CHODL: variants seen among roughly 807,000 people sequenced by gnomAD.
The protein encoded by CHODL is transmembrane protein MT75.
CHODL carries 29 observed loss-of-function variants against 34.5 expected under a neutral mutation model. The ratio of observed to expected loss-of-function variants is 0.84; its 90% CI spans 0.63 to 1.15. The LOEUF (loss-of-function observed/expected upper bound fraction) is 1.15, where lower values mean the gene tolerates loss of function less well. Ranked by LOEUF, CHODL falls within the 50% of genes most tolerant of loss-of-function variation. The pLI is 0.00. For missense variants in CHODL, 332 were observed against 332.5 expected, an observed-to-expected ratio of 1.00 and a Z score of 0.01; for synonymous variants, 125 against 116.1, an observed-to-expected ratio of 1.08 and a Z score of -0.49.
chr21:17,921,190 A>G (rs1422505844), intron 1 of CHODL, among the ~76,000 whole-genome samples: 1 of 152,222 alleles, frequency 6.6e-6, no homozygotes, highest in African/African-American at 2.4e-5. Flanking sequence ...AGGAGAGTCT[A>G]TGATGCCAAT....
chr21:18,066,192 A>C (rs1056630575), intron 2 of CHODL, among the ~76,000 whole-genome samples: 18 of 152,132 alleles, frequency 1.2e-4, no homozygotes, highest in Admixed American at 5.2e-4. Flanking sequence ...ATGTTATTGA[A>C]AGCTAGGAAA....
chr21:17,974,243 C>G (rs1291424369), intron 1 of CHODL, among the ~76,000 whole-genome samples: 1 of 152,058 alleles, frequency 6.6e-6, no homozygotes, highest in Non-Finnish European at 1.5e-5. Flanking sequence ...TATTAAATGC[C>G]TCTCCAATTT....
intron 2 of CHODL, among the ~76,000 whole-genome samples, chr21:18,194,603 T>TAA (rs35092206): frequency 1.4e-4 from 21 of 145,226 alleles, no homozygotes; most frequent in South Asian, 4.4e-4. Context: ...GAGTTACTCT[T>TAA]AAAAAAAAAA....
intron 2 of CHODL, among the ~76,000 whole-genome samples, chr21:18,088,942 A>G (rs204007): frequency 1 from 152,309 of 152,310 alleles, 76,154 homozygotes; most frequent in Non-Finnish European, 1. Flanking sequence ...GTTCTCAGTA[A>G]AGTCTGCCAA....
intron 1 of CHODL, among the ~76,000 whole-genome samples, chr21:18,021,954 G>C (rs2064131768): frequency 6.6e-6 from 1 of 152,132 alleles, no homozygotes; most frequent in South Asian, 2.1e-4. Context: ...GTTACTTAGA[G>C]GTGAGGCCTT....
At chr21:17,921,229 T>C (rs907985010) in intron 1 of CHODL, among the ~76,000 whole-genome samples, 4 of 152,222 alleles carry the variant, frequency 2.6e-5, no homozygotes, top group Non-Finnish European at 5.9e-5. Context: ...GCTGAAGAAT[T>C]CCCTCTTGCT....
intron 2 of CHODL, among the ~76,000 whole-genome samples, chr21:18,072,846 C>CT (rs1035988161): frequency 3.9e-5 from 6 of 152,144 alleles, no homozygotes; most frequent in African/African-American, 1.4e-4. Flanking sequence ...AAAAAGTTTT[C>CT]TTTTTTCTAT....
At chr21:18,032,700 T>A (rs949361512) in intron 2 of CHODL, among the ~76,000 whole-genome samples, 2 of 151,966 alleles carry the variant, frequency 1.3e-5, no homozygotes, top group African/African-American at 4.8e-5. Flanking sequence ...TTCTCTTATT[T>A]CCTTTTTTTT....
chr21:18,020,919 G>C (rs1177783956), intron 1 of CHODL, among the ~76,000 whole-genome samples: 1 of 152,142 alleles, frequency 6.6e-6, no homozygotes, highest in Admixed American at 6.6e-5. Flanking sequence ...AGCCTGGCAA[G>C]ATAGCAAGAC....
chr21:17,951,527 CACAA>C (rs2063457342), intron 1 of CHODL, among the ~76,000 whole-genome samples: 1 of 149,556 alleles, frequency 6.7e-6, no homozygotes, highest in Non-Finnish European at 1.5e-5. Context: ...ACTGTATCCA[CACAA>C]ACAGACACAC....
intron 2 of CHODL, among the ~76,000 whole-genome samples, chr21:18,201,800 CTT>C (rs547855975): frequency 1.6e-4 from 18 of 114,406 alleles, no homozygotes; most frequent in Non-Finnish European, 1.8e-4. Flanking sequence ...TTTTTAAAAA[CTT>C]TTTTTTTTTT....
chr21:18,142,160 G>A (rs1005967262), intron 2 of CHODL, among the ~76,000 whole-genome samples: 1 of 152,136 alleles, frequency 6.6e-6, no homozygotes, highest in Non-Finnish European at 1.5e-5. Flanking sequence ...GGATTGGTTT[G>A]TACAGAAAAG....
At chr21:18,110,567 CCTGCCAACACCTACAGCTGATGT>C (rs6147432) in intron 2 of CHODL, among the ~76,000 whole-genome samples, 55,839 of 151,684 alleles carry the variant, frequency 0.37, 11,237 homozygotes, top group East Asian at 0.69. Flanking sequence ...ACAGCTGATA[CCTGCCAACACCTACAGCTGATGT>C]CTGCCAGGCA....
intron 2 of CHODL, chr21:18,100,091 AAAAT>A (rs1300839008): frequency 1.3e-5 from 2 of 152,142 alleles, no homozygotes; most frequent in South Asian, 2.1e-4. Context: ...AATAAAAATA[AAAAT>A]AAATAAGTTA....
chr21:18,078,225 A>G (rs1409341083), intron 2 of CHODL, among the ~76,000 whole-genome samples: 3 of 152,188 alleles, frequency 2.0e-5, no homozygotes, highest in African/African-American at 7.2e-5. Flanking sequence ...ACAGTTCCAC[A>G]TGGCTGGGGA....
At chr21:18,198,540 A>G (rs1293690289) in intron 2 of CHODL, among the ~76,000 whole-genome samples, 4 of 152,148 alleles carry the variant, frequency 2.6e-5, no homozygotes, top group Admixed American at 6.5e-5. Context: ...ATTTGGGATA[A>G]TTTGTCTCTA....
rs2074477129 is a variant in CHODL, at chr21:18,267,283, T to C, written c.*1245T>C. 6.6e-6 allele frequency: 1 copy of C among 152,156 alleles called. No individual in the cohort carries two copies. Among genetic ancestry groups the C allele is most frequent in the East Asian group, 1.9e-4 (1 of 5,180 alleles). 9.4% of individuals were successfully genotyped at this position (152,156 alleles called of 1,614,324 possible). A position where few individuals can be genotyped will look rare whatever the true frequency, so the allele number is the denominator to read the frequency against. ...TAGTTTCTTCAATGCTTACGCCTTG[T>C]TCTTCTCAAGAGAAAGTTGTAACTC... On this transcript the variant is annotated 3_prime_UTR_variant, in exon 6 of 6. Transcript: ENST00000299295.
chr21:18,150,890 C>G (rs2072956775), intron 2 of CHODL, among the ~76,000 whole-genome samples: 1 of 151,856 alleles, frequency 6.6e-6, no homozygotes, highest in South Asian at 2.1e-4. Flanking sequence ...TCAAGACCAG[C>G]CTGGCCAAGA....
intron 3 of CHODL, 40 bp from the exon 4 acceptor site, chr21:18,260,159 GT>G (rs778628196): frequency 1.1e-6 from 1 of 898,954 alleles, no homozygotes; most frequent in South Asian, 2.8e-5. Flanking sequence ...CAATTCTCTT[GT>G]TTAATCATTA....
Sources: gnomAD v4.1 joint callset for allele counts (sites outside exome capture counted in the v4.1 genomes callset) on GRCh38, gnomAD v4.1.1 for gene constraint, MANE v1.5 for transcripts, NCBI Gene and HGNC (gene_info 2026-07-23, HGNC 2026-07-21) for gene names.